SLC35F6: variants seen among roughly 807,000 people sequenced by gnomAD.
SLC35F6 encodes solute carrier family 35 member F6, also known as ANT2-binding protein.
In SLC35F6, 26 loss-of-function variants were observed where a neutral mutation model predicts 29.4. The observed-to-expected ratio is 0.89, with a 90% CI of 0.65 to 1.23. The LOEUF (loss-of-function observed/expected upper bound fraction) is 1.23. Ranked by LOEUF, SLC35F6 falls within the 50% of genes most tolerant of loss-of-function variation. The probability of loss-of-function intolerance (pLI) is 0.00; values close to 1 mark genes in which losing one functional copy is unlikely to be tolerated. For synonymous variants in SLC35F6, 174 were observed against 206.6 expected (o/e 0.84, Z 1.35); for missense variants, 428 against 487.8 (o/e 0.88, Z 1.15).
At chr2:26,771,137 A>G (rs558705418) in intron 1 of SLC35F6, among the ~76,000 whole-genome samples, 66 of 152,166 alleles carry the variant, frequency 4.3e-4, no homozygotes, top group African/African-American at 1.6e-3. Context: ...GGAGGTGGGG[A>G]GCTCAGCACC....
At position 26,778,100 on chromosome 2, in the gene SLC35F6, C is replaced by T. The variant is rs146289512; in HGVS notation, c.705C>T (p.Ala235=). The change falls in exon 6 of 6, where the codon GCC becomes GCT. Residue 235 remains alanine (A), a synonymous_variant. Coordinates refer to ENST00000344420, the MANE Select transcript of SLC35F6 (RefSeq NM_017877.4). ...TGGTGCCCATGTACTACATCCCCGCCGGCTCCTTCAGCGGAAACCCTCGTG... is the reference window on the plus strand; with the variant it reads ...TGGTGCCCATGTACTACATCCCCGCTGGCTCCTTCAGCGGAAACCCTCGTG... The part of the protein sequence containing the change: ...LLLVPMYYIP[A]GSFSGNPRGT... 3.4e-4 allele frequency: 551 copies of T among 1,614,152 alleles called. 1 individual carries two copies. The highest frequency in any genetic ancestry group is 2.9e-4 in the Non-Finnish European group (340 of 1,180,010).
chr2:26,777,982 T>C (rs1664332175), intron 5 of SLC35F6, 60 bp from the exon 6 acceptor site: 3 of 1,507,424 alleles, frequency 2.0e-6, no homozygotes, highest in Admixed American at 3.6e-5. Flanking sequence ...GCTAAGCCGG[T>C]GGGCTGTGCT....
At chr2:26,766,769 C>T (rs527562658) in intron 1 of SLC35F6, among the ~76,000 whole-genome samples, 1 of 152,200 alleles carries the variant, frequency 6.6e-6, no homozygotes, top group African/African-American at 2.4e-5. Context: ...CTCATAACCA[C>T]CCTATCAGGC....
At chr2:26,776,890 A>C (rs1664311138) in intron 5 of SLC35F6, among the ~76,000 whole-genome samples, 1 of 152,196 alleles carries the variant, frequency 6.6e-6, no homozygotes, top group Non-Finnish European at 1.5e-5. Flanking sequence ...TGTGAATTTG[A>C]AAACCAGTGA....
At chr2:26,764,567 A>G (rs1664060524) in intron 1 of SLC35F6, 141 bp downstream of exon 1, 1 of 1,104,108 alleles carries the variant, frequency 9.1e-7, no homozygotes, top group African/African-American at 1.6e-5. Flanking sequence ...ATGACCACCC[A>G]AGGGATGCGA....
rs574373249 is a variant in SLC35F6, at chr2:26,773,316, C to T, written c.78-935C>T. On this transcript the variant is annotated intron_variant, in intron 1 of 5. Transcript: ENST00000344420. ...GAGATTGAGACCATCCTGGCTAACA[C>T]GGTGAAACACCGTCTCTACTAAAAA... is the stretch of plus-strand genomic sequence containing the variant. Among the ~76,000 whole-genome samples the T allele has an allele frequency of 3.0e-4, 45 of 151,846 alleles. No individual in the cohort carries two copies. In the East Asian group the frequency reaches 5.1e-3, roughly 17 times the overall value.
chr2:26,770,965 G>A (rs570785978), intron 1 of SLC35F6, among the ~76,000 whole-genome samples: 14 of 152,338 alleles, frequency 9.2e-5, no homozygotes, highest in Admixed American at 2.0e-4. Context: ...AGCATCTCAG[G>A]CTGGGCAAGG....
rs896241153 is a variant in SLC35F6 at position 26,780,853 on chromosome 2, C to G, written c.*2342C>G. On this transcript the variant is annotated 3_prime_UTR_variant, in exon 6 of 6. Coordinates refer to ENST00000344420, the MANE Select transcript of SLC35F6 (RefSeq NM_017877.4). Reference sequence around the variant, plus strand: ...CCTGGGTAGCTCAGTCATAAAACACCGAATGCCTGCCTCAAAATAGCCTCT... The same window carrying G: ...CCTGGGTAGCTCAGTCATAAAACACGGAATGCCTGCCTCAAAATAGCCTCT... 1.3e-5 allele frequency: 2 copies of G among 152,212 alleles called. No individual in the cohort carries two copies. Among genetic ancestry groups the G allele is most frequent in the Admixed American group, 1.3e-4 (2 of 15,266 alleles). 9.4% of individuals were successfully genotyped at this position (152,212 alleles called of 1,614,324 possible). A position where few individuals can be genotyped will look rare whatever the true frequency, so the allele number is the denominator to read the frequency against.
At chr2:26,774,401 G>C (rs937943732) in intron 2 of SLC35F6, 78 bp downstream of exon 2, 2 of 1,530,754 alleles carry the variant, frequency 1.3e-6, no homozygotes, top group African/African-American at 1.4e-5. Flanking sequence ...AGGCCAGGCT[G>C]TTTCCTGACT....
intron 1 of SLC35F6, among the ~76,000 whole-genome samples, 191 bp from the exon 2 acceptor site, chr2:26,774,060 A>T (rs988858916): frequency 2.0e-5 from 3 of 152,224 alleles, no homozygotes; most frequent in Non-Finnish European, 4.4e-5. Context: ...TTACAGAGGC[A>T]CAGACACAGT....
chr2:26,773,086 A>C (rs1401532232), intron 1 of SLC35F6, among the ~76,000 whole-genome samples: 1 of 152,188 alleles, frequency 6.6e-6, no homozygotes, highest in East Asian at 1.9e-4. Context: ...GTCATTTCCC[A>C]GGACCCAAAT....
chr2:26,780,512 G>C lies in SLC35F6; in HGVS notation c.*2001G>C, dbSNP rs1197161257. 6.6e-6 allele frequency: 1 copy of C among 152,206 alleles called. No homozygotes were observed. 9.4% of individuals were successfully genotyped at this position (152,206 alleles called of 1,614,324 possible). On this transcript the variant is annotated 3_prime_UTR_variant, in exon 6 of 6. Coordinates refer to ENST00000344420, the MANE Select transcript of SLC35F6 (RefSeq NM_017877.4). ...CGTTAAGTTGCTTAACTTTCATTCT[G>C]TCTTACGATAGTCTTCAGAGGTGGG...
At chr2:26,776,972 G>A (rs1331186070) in intron 5 of SLC35F6, among the ~76,000 whole-genome samples, 10 of 152,174 alleles carry the variant, frequency 6.6e-5, no homozygotes, top group African/African-American at 1.9e-4. Context: ...AGACCAAAGC[G>A]GGTGGATCAC....
Position 26,764,310 on chromosome 2 carries a change from C to CCGGCG in SLC35F6, c.-38_-34dup. 6.5e-7 allele frequency: 1 copy of CCGGCG among 1,546,554 alleles called. No homozygotes were observed. Among genetic ancestry groups the CCGGCG allele is most frequent in the Admixed American group, 2.0e-5 (1 of 50,830 alleles). The stretch of plus-strand genomic sequence containing the variant: ...CGCAGGAGACCCCGGGTGACGGGGC[C>CCGGCG]CGGCGCCGCTAACTGGAGCGAACCC... On this transcript the variant is annotated 5_prime_UTR_variant, in exon 1 of 6. Coordinates refer to ENST00000344420, the MANE Select transcript of SLC35F6 (RefSeq NM_017877.4).
At chr2:26,774,208 G>A in intron 1 of SLC35F6, 43 bp from the exon 2 acceptor site, 5 of 1,610,242 alleles carry the variant, frequency 3.1e-6, no homozygotes, top group Non-Finnish European at 4.2e-6. Context: ...TAGCACCAGG[G>A]TAGGATGCTG....
rs1039231247 is a variant in SLC35F6 at position 26,778,174 on chromosome 2, C to T, written c.779C>T (p.Pro260Leu). The change falls in exon 6 of 6, where the codon CCG becomes CTG. Residue 260 changes from proline (P) to leucine (L), a missense_variant. Transcript: ENST00000344420. ...GCCTTCTGCCAGGTGGGCCAGCAGCCGCTCATTGCCGTGGCACTGCTGGGC... is the reference window on the plus strand; with the variant it reads ...GCCTTCTGCCAGGTGGGCCAGCAGCTGCTCATTGCCGTGGCACTGCTGGGC... ...LDAFCQVGQQ[P>L]LIAVALLGNI... The T allele has an allele frequency of 3.1e-6, 5 of 1,614,162 alleles. No individual in the cohort carries two copies. The highest frequency in any genetic ancestry group is 4.5e-5 in the East Asian group (2 of 44,876).
chr2:26,764,744 C>A (rs1572629598), intron 1 of SLC35F6: 3 of 965,468 alleles, frequency 3.1e-6, no homozygotes, highest in Non-Finnish European at 3.7e-6. Context: ...TGAGCACCTC[C>A]CTCCACGAGC....
rs966697898 is a variant in SLC35F6 at position 26,778,096 on chromosome 2, C to T, written c.701C>T (p.Pro234Leu). The T allele has an allele frequency of 1.2e-6, 2 of 1,614,024 alleles. No homozygotes were observed. Among genetic ancestry groups the T allele is most frequent in the Non-Finnish European group, 1.7e-6 (2 of 1,180,018 alleles). Residue 234 changes from proline (P) to leucine (L), a missense_variant, in exon 6 of 6, where the codon CCC becomes CTC. Coordinates refer to ENST00000344420, the MANE Select transcript of SLC35F6 (RefSeq NM_017877.4). Reference sequence around the variant, plus strand: ...CTGCTGGTGCCCATGTACTACATCCCCGCCGGCTCCTTCAGCGGAAACCCT... The same window carrying T: ...CTGCTGGTGCCCATGTACTACATCCTCGCCGGCTCCTTCAGCGGAAACCCT... ...SLLLVPMYYI[P>L]AGSFSGNPRG...
intron 1 of SLC35F6, among the ~76,000 whole-genome samples, chr2:26,769,007 C>T (rs772259850): frequency 1.3e-5 from 2 of 152,182 alleles, no homozygotes; most frequent in Non-Finnish European, 2.9e-5. Flanking sequence ...GAGCCAGGGC[C>T]ACCTGCTGTG....
Sources: gnomAD v4.1 joint callset for allele counts (sites outside exome capture counted in the v4.1 genomes callset) on GRCh38, gnomAD v4.1.1 for gene constraint, MANE v1.5 for transcripts, NCBI Gene and HGNC (gene_info 2026-07-23, HGNC 2026-07-21) for gene names.